Variants in COL5A3 observed in about 807,000 individuals in gnomAD.
The protein encoded by COL5A3 is collagen type V alpha 3 chain, also known as collagen alpha-3(V) chain.
A neutral mutation model predicts 250.0 loss-of-function variants in COL5A3; 172 were observed. That is an observed-to-expected ratio of 0.69 (90% CI 0.61 to 0.78). The LOEUF (loss-of-function observed/expected upper bound fraction) is 0.78, where lower values mean the gene tolerates loss of function less well. Ranked by LOEUF, COL5A3 falls within the 30% of genes least tolerant of loss-of-function variation. The pLI is 0.00. For missense variants in COL5A3, 2,340 were observed against 2,334.4 expected, an observed-to-expected ratio of 1.00 and a Z score of -0.05; for synonymous variants, 937 against 900.4, an observed-to-expected ratio of 1.04 and a Z score of -0.73.
chr19:9,967,734 T>C, intron 61 of COL5A3, 170 bp downstream of exon 61: 1 of 648,348 alleles, frequency 1.5e-6, no homozygotes, highest in South Asian at 2.5e-5. Flanking sequence ...TTATAATTGA[T>C]GGCATTTTGG....
chr19:9,980,598 T>C (rs1034883803), intron 35 of COL5A3, 50 bp downstream of exon 35: 2 of 1,568,040 alleles, frequency 1.3e-6, no homozygotes, highest in Non-Finnish European at 1.7e-6. Context: ...AGAATCTCTC[T>C]CTCTCACACA....
intron 44 of COL5A3, 148 bp downstream of exon 44, chr19:9,977,081 T>C (rs1829361395): frequency 2.6e-6 from 2 of 759,718 alleles, no homozygotes; most frequent in East Asian, 2.7e-5. Context: ...TCAAGTACCT[T>C]CTGTTGCATG....
At chr19:9,997,896 A>G (rs1206532192) in intron 10 of COL5A3, 88 bp downstream of exon 10, 1 of 1,466,158 alleles carries the variant, frequency 6.8e-7, no homozygotes, top group Admixed American at 1.8e-5. Context: ...GCCAGGCAAC[A>G]TTACACCCCA....
rs760534153 is a variant in COL5A3 at position 10,004,155 on chromosome 19, G to A, written c.595-10C>T. 3 of 1,605,260 alleles carry A rather than the reference G, an allele frequency of 1.9e-6. No individual in the cohort carries two copies. The South Asian group carries it at 3.3e-5, about 18-fold the overall frequency. The stretch of plus-strand genomic sequence containing the variant: ...GCTCCTGAATGTCTCCCTGGGGGTT[G>A]GGGGTGTAGGAGTCAAGGAGGGCAG... On this transcript the variant is annotated splice_polypyrimidine_tract_variant and intron_variant, in intron 4 of 66. Transcript: ENST00000264828.
At position 9,968,864 on chromosome 19, in the gene COL5A3, C is replaced by G. The variant is rs2086791125; in HGVS notation, c.4153-136G>C. On this transcript the variant is annotated intron_variant, in intron 57 of 66. Transcript: ENST00000264828. This position sits in a 1 kb window ranked among gnomAD's most constrained non-coding sequence, Gnocchi z 4.1. ...ACCAGGGATGAGGTCAAGGGATGGT[C>G]AGAGTAGGCCACCAAGGTGGGATGA... The G allele has an allele frequency of 2.6e-6, 2 of 764,986 alleles. No individual in the cohort carries two copies. The highest frequency in any genetic ancestry group is 5.4e-5 in the Admixed American group (2 of 36,852). 47.4% of individuals were successfully genotyped at this position (764,986 alleles called of 1,614,324 possible). A position where few individuals can be genotyped will look rare whatever the true frequency, so the allele number is the denominator to read the frequency against.
intron 5 of COL5A3, 63 bp downstream of exon 5, chr19:10,003,978 T>C: frequency 7.5e-7 from 1 of 1,329,462 alleles, no homozygotes; most frequent in East Asian, 2.3e-5. Context: ...TTTCTAGGGA[T>C]CTGGAGCCAG....
At chr19:10,010,240 C>A in intron 1 of COL5A3, 58 bp downstream of exon 1, 1 of 1,174,370 alleles carries the variant, frequency 8.5e-7, no homozygotes, top group South Asian at 2.6e-5. Context: ...ACCCCTCGCT[C>A]TTTTAGAGCC....
In COL5A3 at chr19:9,970,639, C is replaced by CG; in HGVS notation, c.3918dup (p.Gly1307ArgfsTer30). 2 of 1,451,206 alleles carry CG rather than the reference C, an allele frequency of 1.4e-6. No individual in the cohort carries two copies. The highest frequency in any genetic ancestry group is 1.6e-5 in the South Asian group (1 of 64,508). The allele number at this position is 1,451,206 out of a possible 1,614,324, so 89.9% of individuals were successfully genotyped here. On this transcript the variant is annotated frameshift_variant, in exon 54 of 67. Coordinates refer to ENST00000264828, the MANE Select transcript of COL5A3 (RefSeq NM_015719.4). LOFTEE classifies it high-confidence loss of function. ...TCACTTACCCTCTTGCCGGGGGGCC[C>CG]GGGGGCGCCGGGCTCCCCAGAAGCT...
In COL5A3 at chr19:9,996,173, G is replaced by C. The variant is rs114057197; in HGVS notation, c.1479+33C>G. ...GGTAGATGATTCTTCACTAATGCATGCACCGCCCCCTCCACGCAGTCGCCT... is the reference window on the plus strand; with the variant it reads ...GGTAGATGATTCTTCACTAATGCATCCACCGCCCCCTCCACGCAGTCGCCT... On this transcript the variant is annotated intron_variant, in intron 14 of 66. Coordinates refer to ENST00000264828, the MANE Select transcript of COL5A3 (RefSeq NM_015719.4). The C allele has an allele frequency of 1.4e-3, 2,107 of 1,556,450 alleles. 19 individuals carry two copies. The African/African-American group carries it at 0.022, about 16-fold the overall frequency.
chr19:9,973,095 A>C, intron 50 of COL5A3, 69 bp from the exon 51 acceptor site: 1 of 1,386,664 alleles, frequency 7.2e-7, no homozygotes, highest in Non-Finnish European at 9.9e-7. Flanking sequence ...GCATACTTGG[A>C]TTCAGGCATT....
At chr19:10,003,799 T>C in intron 5 of COL5A3, 85 bp from the exon 6 acceptor site, 1 of 1,558,090 alleles carries the variant, frequency 6.4e-7, no homozygotes, top group Admixed American at 1.7e-5. Flanking sequence ...GGCTGGCTCA[T>C]GGCCCGTGGG....
At position 9,972,914 on chromosome 19, in the gene COL5A3, C is replaced by A; in HGVS notation, c.3774+5G>T. The stretch of plus-strand genomic sequence containing the variant: ...TGTCTGCCCCCACTTCCCCCCAGGA[C>A]TCACCACGCTCCCTTTGGCTCCATC... On this transcript the variant is annotated splice_donor_5th_base_variant and intron_variant, in intron 51 of 66. Transcript: ENST00000264828. The A allele has an allele frequency of 6.2e-7, 1 of 1,601,302 alleles. No homozygotes were observed. Among genetic ancestry groups the A allele is most frequent in the Non-Finnish European group, 8.5e-7 (1 of 1,173,794 alleles).
chr19:9,983,469 G>A (rs1639851070), intron 31 of COL5A3, among the ~76,000 whole-genome samples: 1 of 151,118 alleles, frequency 6.6e-6, no homozygotes, highest in Non-Finnish European at 1.5e-5. Context: ...TTGCACTCCA[G>A]CCTGAATGAC....
rs2086652143 is a variant in COL5A3 at position 9,960,219 on chromosome 19, G to A, written c.*192C>T. 6.0e-6 allele frequency: 4 copies of A among 663,208 alleles called. No homozygotes were observed. In the East Asian group the frequency reaches 1.1e-4, roughly 18 times the overall value. 41.1% of individuals were successfully genotyped at this position (663,208 alleles called of 1,614,324 possible). Reference sequence around the variant, plus strand: ...ACCTGGAATGGGGTGAGAGGAGGCTGGACCCTTGGGCCAGGGAACCCCAGC... The same window carrying A: ...ACCTGGAATGGGGTGAGAGGAGGCTAGACCCTTGGGCCAGGGAACCCCAGC... On this transcript the variant is annotated 3_prime_UTR_variant, in exon 67 of 67. Transcript: ENST00000264828.
intron 31 of COL5A3, 72 bp from the exon 32 acceptor site, chr19:9,982,190 C>A: frequency 9.5e-7 from 1 of 1,049,064 alleles, no homozygotes; most frequent in East Asian, 2.6e-5. Context: ...CCCCTCATAC[C>A]ATCCTTTGAG....
chr19:9,993,547 G>T, intron 18 of COL5A3, 72 bp downstream of exon 18: 1 of 1,584,162 alleles, frequency 6.3e-7, no homozygotes, highest in Non-Finnish European at 8.7e-7. Context: ...CTCTGATACT[G>T]AGGGAGAAGT....
rs1264211315 is a variant in COL5A3 at position 10,001,535 on chromosome 19, G to A, written c.1099C>T (p.Gln367Ter). The A allele has an allele frequency of 1.2e-6, 2 of 1,614,060 alleles. No individual in the cohort carries two copies. Among genetic ancestry groups the A allele is most frequent in the Admixed American group, 3.3e-5 (2 of 60,004 alleles). Residue 367 changes from glutamine to a stop codon, truncating the protein, a stop_gained, in exon 8 of 67, where the codon CAG (glutamine) becomes TAG (stop). Coordinates refer to ENST00000264828, the MANE Select transcript of COL5A3 (RefSeq NM_015719.4). LOFTEE classifies it high-confidence loss of function. ...ACCTAGAAACTCACAGGAAAGATCT[G>A]GAACTGAGTCCGAGATGGATATTCT... ...AAEYPSRTQF[Q>*]IFPGAGEKGA...
chr19:9,996,717 G>A (rs745735309), intron 11 of COL5A3, 28 bp from the exon 12 acceptor site: 6 of 1,561,442 alleles, frequency 3.8e-6, no homozygotes, highest in Admixed American at 4.1e-5. Context: ...GAAGAGAGGT[G>A]GAGACAGGGA....
At chr19:10,006,968 C>T (rs1411011960) in intron 1 of COL5A3, among the ~76,000 whole-genome samples, 1 of 150,902 alleles carries the variant, frequency 6.6e-6, no homozygotes, top group Non-Finnish European at 1.5e-5. Context: ...AACTTCCTCT[C>T]TCAGACTTTG....
Sources: allele counts gnomAD v4.1 joint callset (sites outside exome capture counted in the v4.1 genomes callset), GRCh38; gene constraint gnomAD v4.1.1; non-coding constraint Gnocchi (gnomAD v3.1); transcripts MANE v1.5; gene names NCBI Gene and HGNC (gene_info 2026-07-23, HGNC 2026-07-21).